The following PNKD variants were observed in gnomAD, a reference collection of about 807,000 sequenced individuals.
PNKD encodes the protein probable thioesterase PNKD.
PNKD carries 36 observed loss-of-function variants against 45.3 expected under a neutral mutation model. The ratio of observed to expected loss-of-function variants is 0.80; its 90% CI spans 0.61 to 1.05. The LOEUF (loss-of-function observed/expected upper bound fraction) is 1.05. Ranked by LOEUF, PNKD falls within the 50% of genes least tolerant of loss-of-function variation. PNKD has a pLI of 0.00. For missense variants in PNKD, 511 were observed against 506.6 expected, an observed-to-expected ratio of 1.01 and a Z score of -0.08; for synonymous variants, 197 against 210.1, an observed-to-expected ratio of 0.94 and a Z score of 0.54.
chr2:218,293,432 A>T (rs1693046881), intron 2 of PNKD, among the ~76,000 whole-genome samples: 2 of 152,150 alleles, frequency 1.3e-5, no homozygotes, highest in Non-Finnish European at 2.9e-5. Flanking sequence ...AAAAAGAGAA[A>T]CATTACCGAG....
intron 2 of PNKD, among the ~76,000 whole-genome samples, chr2:218,296,680 T>C (rs1001442579): frequency 2.0e-5 from 3 of 152,084 alleles, no homozygotes; most frequent in Non-Finnish European, 4.4e-5. Flanking sequence ...TTTTTCTTTC[T>C]TTCTTTCTTT....
chr2:218,341,563 G>C lies in PNKD; in HGVS notation c.554G>C (p.Ser185Thr), dbSNP rs560763344. The change falls in exon 6 of 10, where the codon AGC (serine) becomes ACC (threonine). Residue 185 changes from serine (S) to threonine (T), a missense_variant. Physicochemically the swap from Ser to Thr is moderately conservative, Grantham distance 58. Coordinates refer to ENST00000273077, the MANE Select transcript of PNKD (RefSeq NM_015488.5). ...WDHSGGNRDLSRRHRDCRVYG... is the reference protein window; with the variant it reads ...WDHSGGNRDLTRRHRDCRVYG... ...CACAGTGGAGGGAACCGTGACCTCA[G>C]CCGGCGGCACCGGGACTGTCGGGTG... 4.4e-6 allele frequency: 7 copies of C among 1,602,976 alleles called. No homozygotes were observed. The highest frequency in any genetic ancestry group is 6.0e-6 in the Non-Finnish European group (7 of 1,175,046).
chr2:218,313,813 A>T (rs1212894510), intron 2 of PNKD, among the ~76,000 whole-genome samples: 1 of 152,048 alleles, frequency 6.6e-6, no homozygotes, highest in Non-Finnish European at 1.5e-5. Flanking sequence ...CCATATTCTT[A>T]GAACTTCAGG....
chr2:218,319,565 A>G (rs2382826), intron 2 of PNKD, among the ~76,000 whole-genome samples: 89,551 of 151,024 alleles, frequency 0.59, 26,893 homozygotes, highest in South Asian at 0.68. Context: ...TAGTAGAGAC[A>G]GGGTTTCACT....
At chr2:218,314,342 C>G (rs1693708830) in intron 2 of PNKD, among the ~76,000 whole-genome samples, 1 of 149,882 alleles carries the variant, frequency 6.7e-6, no homozygotes. Flanking sequence ...CTACCTCAGC[C>G]TCCTGAGCAG....
intron 2 of PNKD, chr2:218,277,603 C>G: frequency 6.2e-7 from 1 of 1,614,188 alleles, no homozygotes; most frequent in Non-Finnish European, 8.5e-7. Flanking sequence ...TACACATTTC[C>G]CAAGAGTGGT....
At chr2:218,295,098 G>C (rs773963734) in intron 2 of PNKD, among the ~76,000 whole-genome samples, 1 of 152,206 alleles carries the variant, frequency 6.6e-6, no homozygotes, top group African/African-American at 2.4e-5. Context: ...CTTGCTGCGT[G>C]CTTTTTCTCC....
At chr2:218,280,427 G>A (rs1691786130) in intron 2 of PNKD, 1 of 351,970 alleles carries the variant, frequency 2.8e-6, no homozygotes, top group Non-Finnish European at 5.4e-6. Context: ...AGCCAGGCAG[G>A]AGCAGGTATG....
intron 2 of PNKD, among the ~76,000 whole-genome samples, chr2:218,287,980 G>A (rs1228695829): frequency 2.0e-5 from 3 of 152,244 alleles, no homozygotes; most frequent in African/African-American, 7.2e-5. Flanking sequence ...ACAGATAAGG[G>A]AAGAGGAAGC....
intron 2 of PNKD, among the ~76,000 whole-genome samples, chr2:218,271,979 A>G (rs1410007878): frequency 6.6e-6 from 1 of 152,234 alleles, no homozygotes; most frequent in Admixed American, 6.5e-5. Context: ...GGAAGAAATC[A>G]ACATTTTTTT....
At chr2:218,280,152 G>T in intron 2 of PNKD, 1 of 1,550,216 alleles carries the variant, frequency 6.5e-7, no homozygotes, top group Non-Finnish European at 8.9e-7. Context: ...ACTTGACTCA[G>T]CTGGGGACCT....
At chr2:218,286,944 C>T (rs1233887184) in intron 2 of PNKD, 2 of 152,222 alleles carry the variant, frequency 1.3e-5, no homozygotes, top group African/African-American at 2.4e-5. Context: ...ATTTGTTCCC[C>T]TCCCTTTTCC....
At chr2:218,331,931 T>C (rs943522671) in intron 2 of PNKD, among the ~76,000 whole-genome samples, 1 of 152,190 alleles carries the variant, frequency 6.6e-6, no homozygotes, top group Admixed American at 6.5e-5. Flanking sequence ...TGGGATTTAT[T>C]TGTACATTTT....
chr2:218,344,728 G>A, intron 9 of PNKD, 80 bp from the exon 10 acceptor site: 1 of 1,478,430 alleles, frequency 6.8e-7, no homozygotes, highest in Middle Eastern at 1.7e-4. Context: ...CCAGGATGGG[G>A]CAGGGGTCGG....
At chr2:218,310,807 G>C (rs1398403953) in intron 2 of PNKD, among the ~76,000 whole-genome samples, 1 of 151,616 alleles carries the variant, frequency 6.6e-6, no homozygotes, top group Non-Finnish European at 1.5e-5. Flanking sequence ...GGTCAGGCTG[G>C]TCTCCAATTC....
rs142488641 is a variant in PNKD at position 218,328,118 on chromosome 2, C to T, written c.237-11665C>T. ...TGTGACCTGCCCATCCTTACCACAT[C>T]TTTTAGCACCCTTCAGCCTGTTCCT... On this transcript the variant is annotated intron_variant, in intron 2 of 9. Coordinates refer to ENST00000273077, the MANE Select transcript of PNKD (RefSeq NM_015488.5). Among the ~76,000 whole-genome samples, 1,152 of 152,310 alleles carry T rather than the reference C, an allele frequency of 7.6e-3. 18 individuals carry two copies. Among genetic ancestry groups the T allele is most frequent in the African/African-American group, 0.025 (1,052 of 41,556 alleles).
intron 2 of PNKD, chr2:218,334,853 G>T: frequency 1.5e-6 from 1 of 674,986 alleles, no homozygotes; most frequent in South Asian, 1.6e-5. Context: ...GATACTTTGA[G>T]ATTATGCAAA....
intron 2 of PNKD, among the ~76,000 whole-genome samples, chr2:218,289,150 C>A (rs1414665798): frequency 6.6e-6 from 1 of 152,204 alleles, no homozygotes; most frequent in Non-Finnish European, 1.5e-5. Flanking sequence ...CAGTAAAGAT[C>A]AAAACGATAG....
At chr2:218,271,257 T>C in intron 1 of PNKD, 124 bp from the exon 2 acceptor site, 1 of 863,694 alleles carries the variant, frequency 1.2e-6, no homozygotes, top group Non-Finnish European at 2.0e-6. Flanking sequence ...ACTTCTTACT[T>C]CAGACTGCAG....
Sources: gnomAD v4.1 joint callset for allele counts (sites outside exome capture counted in the v4.1 genomes callset) on GRCh38, gnomAD v4.1.1 for gene constraint, MANE v1.5 for transcripts, NCBI Gene and HGNC (gene_info 2026-07-23, HGNC 2026-07-21) for gene names.